The following COL24A1 variants were observed in gnomAD, a reference collection of about 807,000 sequenced individuals.
COL24A1 encodes the protein collagen type XXIV alpha 1 chain.
COL24A1 carries 224 observed loss-of-function variants against 253.9 expected under a neutral mutation model. The observed-to-expected ratio is 0.88, with a 90% CI of 0.79 to 0.99. COL24A1 has a LOEUF of 0.99. Ranked by LOEUF, COL24A1 falls within the 50% of genes least tolerant of loss-of-function variation. The pLI, the probability that COL24A1 is intolerant of heterozygous loss-of-function variation, is 0.00. For synonymous variants in COL24A1, 685 were observed against 673.7 expected (o/e 1.02, Z -0.26); for missense variants, 2,131 against 2,068.5 (o/e 1.03, Z -0.59).
At chr1:85,846,140 T>G (rs1342696543) in intron 39 of COL24A1, among the ~76,000 whole-genome samples, 1 of 151,754 alleles carries the variant, frequency 6.6e-6, no homozygotes, top group Non-Finnish European at 1.5e-5. Flanking sequence ...GAAAACAGAC[T>G]GACCACTCAA....
chr1:86,055,301 T>A (rs539850637), intron 10 of COL24A1, among the ~76,000 whole-genome samples: 8 of 152,334 alleles, frequency 5.3e-5, no homozygotes, highest in Non-Finnish European at 8.8e-5. Context: ...AAATAATTTT[T>A]AAATCTACAT....
chr1:86,124,139 A>G (rs60535581), intron 3 of COL24A1, among the ~76,000 whole-genome samples: 7,060 of 152,062 alleles, frequency 0.046, 561 homozygotes, highest in African/African-American at 0.16. Flanking sequence ...ATTCCCACCT[A>G]TACAACAAAA....
intron 12 of COL24A1, among the ~76,000 whole-genome samples, chr1:86,037,612 TTCC>T (rs1456809828): frequency 6.6e-6 from 1 of 152,176 alleles, no homozygotes. Flanking sequence ...CCAGTCAAGC[TTCC>T]AGATGATAAT....
intron 43 of COL24A1, among the ~76,000 whole-genome samples, chr1:85,831,121 C>T (rs979981534): frequency 6.6e-6 from 1 of 151,992 alleles, no homozygotes; most frequent in Non-Finnish European, 1.5e-5. Context: ...TAGCCCATGA[C>T]CACACTAACG....
At chr1:85,813,532 CTTTTTTTTTTTTTTTTT>C (rs765607746) in intron 47 of COL24A1, among the ~76,000 whole-genome samples, 152 of 76,230 alleles carry the variant, frequency 2.0e-3, no homozygotes, top group African/African-American at 7.5e-3. Context: ...TCATTCAGGT[CTTTTTTTTTTTTTTTTT>C]TTTTTTTTTT....
intron 47 of COL24A1, among the ~76,000 whole-genome samples, chr1:85,810,855 T>C (rs548715796): frequency 5.8e-4 from 89 of 152,284 alleles, no homozygotes; most frequent in African/African-American, 2.1e-3. Context: ...CTCTGTTCTT[T>C]ATAAATCACC....
chr1:85,902,581 C>G (rs1364133175), intron 28 of COL24A1, among the ~76,000 whole-genome samples: 1 of 152,148 alleles, frequency 6.6e-6, no homozygotes, highest in Non-Finnish European at 1.5e-5. Context: ...TAACTTGTCT[C>G]TTGTTAATCT....
At chr1:85,803,073 C>T (rs1265612956) in intron 47 of COL24A1, among the ~76,000 whole-genome samples, 3 of 152,214 alleles carry the variant, frequency 2.0e-5, no homozygotes, top group African/African-American at 7.2e-5. Context: ...TTTCTCTTGG[C>T]TAGGAATAGA....
intron 43 of COL24A1, among the ~76,000 whole-genome samples, chr1:85,831,603 T>A (rs1230096080): frequency 6.6e-6 from 1 of 152,092 alleles, no homozygotes; most frequent in Non-Finnish European, 1.5e-5. Context: ...GGAGAGGTTA[T>A]GGAAAGTGAT....
intron 35 of COL24A1, among the ~76,000 whole-genome samples, chr1:85,870,410 T>TA (rs1680329354): frequency 6.6e-6 from 1 of 152,122 alleles, no homozygotes; most frequent in South Asian, 2.1e-4. Context: ...CTCAGCACCA[T>TA]ATCACACTTA....
chr1:85,858,753 T>C (rs918241149), intron 37 of COL24A1, among the ~76,000 whole-genome samples: 2 of 151,432 alleles, frequency 1.3e-5, no homozygotes, highest in Non-Finnish European at 2.9e-5. Flanking sequence ...CTTCTTTTCT[T>C]TTCTTTTCGG....
rs569549677 is a variant in COL24A1 at position 85,757,031 on chromosome 1, C to T, written c.4437+4365G>A. On this transcript the variant is annotated intron_variant, in intron 55 of 59. Transcript: ENST00000370571. ...GAATTCATAGAGACAGAAAGTAGAA[C>T]GGTGGTTGCAGGGGCTGGGTAAAGG... Among the ~76,000 whole-genome samples the T allele has an allele frequency of 4.3e-4, 66 of 152,026 alleles. No homozygotes were observed. In the Middle Eastern group the frequency reaches 0.01, roughly 24 times the overall value.
At chr1:85,802,048 AGTCTAGTTCAAACC>A in intron 47 of COL24A1, among the ~76,000 whole-genome samples, 1 of 152,294 alleles carries the variant, frequency 6.6e-6, no homozygotes, top group African/African-American at 2.4e-5. Flanking sequence ...ACACTTCACC[AGTCTAGTTCAAACC>A]GTGAACACCT....
intron 32 of COL24A1, among the ~76,000 whole-genome samples, chr1:85,878,728 C>A (rs1156442371): frequency 6.6e-6 from 1 of 152,194 alleles, no homozygotes; most frequent in Non-Finnish European, 1.5e-5. Context: ...TGTTGCTCCA[C>A]ATCCTTGCCA....
intron 7 of COL24A1, among the ~76,000 whole-genome samples, chr1:86,076,718 A>G (rs1702277805): frequency 6.6e-6 from 1 of 152,192 alleles, no homozygotes; most frequent in Non-Finnish European, 1.5e-5. Flanking sequence ...TCTTTGACAA[A>G]CCTGACAAAA....
At chr1:86,096,152 T>C (rs760344583) in intron 5 of COL24A1, among the ~76,000 whole-genome samples, 70 of 152,148 alleles carry the variant, frequency 4.6e-4, no homozygotes, top group Non-Finnish European at 7.9e-4. Context: ...TAGTAGTCAG[T>C]ACTAAAATTA....
intron 7 of COL24A1, 52 bp downstream of exon 7, chr1:86,089,121 CA>C: frequency 1.5e-5 from 21 of 1,369,262 alleles, no homozygotes; most frequent in Admixed American, 1.3e-4. Context: ...AAGAAAAAGA[CA>C]AAAAAAAGAA....
chr1:86,058,427 T>C (rs894521998), intron 9 of COL24A1, among the ~76,000 whole-genome samples: 1 of 151,148 alleles, frequency 6.6e-6, no homozygotes, highest in African/African-American at 2.4e-5. Flanking sequence ...AAGAGTCTAA[T>C]ATAGAGTACC....
At chr1:86,104,090 C>T (rs1704718354) in intron 5 of COL24A1, among the ~76,000 whole-genome samples, 1 of 152,074 alleles carries the variant, frequency 6.6e-6, no homozygotes, top group African/African-American at 2.4e-5. Context: ...CCTTTTCATT[C>T]TTTTTTCTCA....
Sources: gnomAD v4.1 joint callset for allele counts (sites outside exome capture counted in the v4.1 genomes callset) on GRCh38, gnomAD v4.1.1 for gene constraint, MANE v1.5 for transcripts, NCBI Gene and HGNC (gene_info 2026-07-23, HGNC 2026-07-21) for gene names.